Variants in CSF2RA observed in about 807,000 individuals in gnomAD.
The protein encoded by CSF2RA is granulocyte-macrophage colony-stimulating factor receptor subunit alpha.
In CSF2RA, 42 loss-of-function variants were observed where a neutral mutation model predicts 51.6. The observed-to-expected ratio is 0.81, with a 90% CI of 0.64 to 1.05. CSF2RA has a LOEUF of 1.05. CSF2RA is among the 50% of genes least tolerant of loss of function. The pLI, the probability that CSF2RA is intolerant of heterozygous loss-of-function variation, is 0.00. For synonymous variants in CSF2RA, 222 were observed against 193.0 expected (o/e 1.15, Z -1.24); for missense variants, 530 against 501.1 (o/e 1.06, Z -0.55).
At position 1,274,802 on chromosome X, in the gene CSF2RA, T is replaced by C. The variant is rs2088949883; in HGVS notation, c.-43T>C. 1 of 453,428 alleles carries C rather than the reference T, an allele frequency of 2.2e-6. No homozygotes were observed. The highest frequency in any genetic ancestry group is 2.0e-5 in the African/African-American group (1 of 49,856). 28.1% of individuals were successfully genotyped at this position (453,428 alleles called of 1,614,324 possible). ...AGACAGCAGATCCGAGAAGCGGCGA[T>C]GTTTGCGTAGAACCCTGTACGTGCT... On this transcript the variant is annotated 5_prime_UTR_variant, in exon 2 of 13. It removes an upstream start codon present in the reference 5' UTR. Coordinates refer to ENST00000381529, the MANE Select transcript of CSF2RA (RefSeq NM_172245.4).
the CSF2RA span, among the ~76,000 whole-genome samples, chrX:1,321,858 G>A: frequency 0.68 from 103,974 of 151,906 alleles, 35,938 homozygotes; most frequent in Non-Finnish European, 0.75. Flanking sequence ...AGCCGGGTGC[G>A]GTGGCTCATG....
At chrX:1,290,562 C>T in intron 7 of CSF2RA, 53 bp downstream of exon 7, 1 of 1,585,450 alleles carries the variant, frequency 6.3e-7, no homozygotes, top group South Asian at 1.1e-5. Context: ...ATGGAATTTG[C>T]CTTAAAATCT....
chrX:1,286,584 AAT>A (rs2090698913), intron 4 of CSF2RA, among the ~76,000 whole-genome samples: 1 of 147,960 alleles, frequency 6.8e-6, no homozygotes, highest in East Asian at 2.0e-4. Flanking sequence ...AAAAAAAAAA[AAT>A]AATAAATTCA....
At chrX:1,319,714 G>GTTTTTTTTTTTTTTTTTTTTT in the CSF2RA span, among the ~76,000 whole-genome samples, 1 of 121,316 alleles carries the variant, frequency 8.2e-6, no homozygotes. Context: ...CGCCTTTGCT[G>GTTTTTTTTTTTTTTTTTTTTT]TTTTTTTTTT....
At chrX:1,293,271 G>C (rs28656372) in intron 7 of CSF2RA, among the ~76,000 whole-genome samples, 1 of 151,762 alleles carries the variant, frequency 6.6e-6, no homozygotes, top group Admixed American at 6.6e-5. Flanking sequence ...CAGGCTGGAG[G>C]GCAGTGGCGG....
At chrX:1,301,595 C>CTTT (rs777108928) in intron 10 of CSF2RA, among the ~76,000 whole-genome samples, 3 of 105,824 alleles carry the variant, frequency 2.8e-5, no homozygotes, top group Admixed American at 1.1e-4. Context: ...CTCTTTTTTT[C>CTTT]TTTTTTTTTT....
chrX:1,296,910 C>A (rs2091997328), intron 9 of CSF2RA, among the ~76,000 whole-genome samples: 1 of 73,444 alleles, frequency 1.4e-5, no homozygotes, highest in Admixed American at 1.0e-4. Context: ...CTACCCATGA[C>A]CCCTGGCGGA....
chrX:1,319,837 C>A, the CSF2RA span, among the ~76,000 whole-genome samples: 1 of 149,714 alleles, frequency 6.7e-6, no homozygotes, highest in Non-Finnish European at 1.5e-5. Flanking sequence ...ACCTCACCCT[C>A]CCGAGTAGCT....
chrX:1,308,130 C>G (rs1173332915), intron 12 of CSF2RA, among the ~76,000 whole-genome samples: 3 of 151,942 alleles, frequency 2.0e-5, no homozygotes, highest in Non-Finnish European at 4.4e-5. Flanking sequence ...AGTCCAATCT[C>G]TTTTCCTGGA....
intron 9 of CSF2RA, among the ~76,000 whole-genome samples, chrX:1,297,894 C>T (rs1452256022): frequency 5.4e-5 from 5 of 92,584 alleles, no homozygotes; most frequent in African/African-American, 8.4e-5. Flanking sequence ...CAGTCCCCTA[C>T]TCACGACCCC....
chrX:1,287,592 C>G (rs779903814), intron 4 of CSF2RA, among the ~76,000 whole-genome samples: 3 of 132,520 alleles, frequency 2.3e-5, no homozygotes, highest in African/African-American at 8.6e-5. Context: ...TACAGGTGCC[C>G]ACCACCACAC....
intron 3 of CSF2RA, among the ~76,000 whole-genome samples, chrX:1,283,106 C>T (rs1261167614): frequency 2.2e-5 from 3 of 137,436 alleles, no homozygotes; most frequent in African/African-American, 5.4e-5. Flanking sequence ...TTCCTTCCTT[C>T]GTTCCTTCGT....
the CSF2RA span, among the ~76,000 whole-genome samples, chrX:1,323,285 G>A: frequency 2.0e-5 from 3 of 148,722 alleles, no homozygotes; most frequent in Non-Finnish European, 4.5e-5. Context: ...AGGCCGAGGC[G>A]GGCGGATCAC....
intron 2 of CSF2RA, among the ~76,000 whole-genome samples, chrX:1,278,943 A>G (rs2089547437): frequency 6.6e-6 from 1 of 150,664 alleles, no homozygotes; most frequent in Non-Finnish European, 1.5e-5. Flanking sequence ...AGGCTGAGGC[A>G]GTAGAATCAC....
intron 10 of CSF2RA, among the ~76,000 whole-genome samples, chrX:1,301,697 C>A (rs1397653747): frequency 1.3e-5 from 2 of 148,316 alleles, no homozygotes; most frequent in Non-Finnish European, 3.0e-5. Context: ...CCTGGGTTCA[C>A]GCCATTCTCC....
chrX:1,321,332 C>T, the CSF2RA span, among the ~76,000 whole-genome samples: 331 of 152,024 alleles, frequency 2.2e-3, 4 homozygotes, highest in East Asian at 0.027. Flanking sequence ...AGCCGGGCGA[C>T]GTGGCAAGCT....
At chrX:1,310,795 A>G (rs2084143698), downstream of CSF2RA, among the ~76,000 whole-genome samples, 1 of 152,102 alleles carries the variant, frequency 6.6e-6, no homozygotes, top group Admixed American at 6.6e-5. Flanking sequence ...TGTCCCTTGC[A>G]AATCTCAGTT....
intron 9 of CSF2RA, among the ~76,000 whole-genome samples, chrX:1,297,841 CG>C (rs1194536024): frequency 2.5e-3 from 324 of 127,126 alleles, no homozygotes; most frequent in Middle Eastern, 5.6e-3. Context: ...CCCCTACTCA[CG>C]ACCCCTACAC....
chrX:1,304,653 TG>T (rs1238445380), intron 11 of CSF2RA, among the ~76,000 whole-genome samples: 1,628 of 64,152 alleles, frequency 0.025, 17 homozygotes, highest in African/African-American at 0.06. Flanking sequence ...GGTTTTTTTT[TG>T]TTTGTTTGTT....
Sources: gnomAD v4.1 joint callset for allele counts (sites outside exome capture counted in the v4.1 genomes callset) on GRCh38, gnomAD v4.1.1 for gene constraint, MANE v1.5 for transcripts, NCBI Gene and HGNC (gene_info 2026-07-23, HGNC 2026-07-21) for gene names.